PSPH: variants seen among roughly 807,000 people sequenced by gnomAD.
The protein encoded by PSPH is L-3-phosphoserine phosphatase.
A neutral mutation model predicts 23.4 loss-of-function variants in PSPH; 16 were observed. That is an observed-to-expected ratio of 0.68 (90% confidence interval 0.46 to 1.04). The LOEUF (loss-of-function observed/expected upper bound fraction) is 1.04. PSPH is among the 50% of genes least tolerant of loss of function. PSPH has a pLI of 0.00. For synonymous variants in PSPH, 68 were observed against 99.7 expected, an observed-to-expected ratio of 0.68 and a Z score of 1.89; for missense variants, 223 against 273.7, an observed-to-expected ratio of 0.81 and a Z score of 1.31.
At chr7:56,046,094 G>C (rs976471257) in intron 1 of PSPH, among the ~76,000 whole-genome samples, 1 of 151,788 alleles carries the variant, frequency 6.6e-6, no homozygotes, top group African/African-American at 2.4e-5. Flanking sequence ...CTCAGCTCGG[G>C]GAATCTATTG....
intron 1 of PSPH, among the ~76,000 whole-genome samples, chr7:56,046,394 T>TTAA (rs1211890579): frequency 6.6e-6 from 1 of 151,550 alleles, no homozygotes; most frequent in Non-Finnish European, 1.5e-5. Flanking sequence ...CACCTCGGTG[T>TTAA]TTTATTGTTT....
intron 3 of PSPH, among the ~76,000 whole-genome samples, chr7:56,027,211 C>CAAAAA (rs11322718): frequency 8.7e-6 from 1 of 115,428 alleles, no homozygotes. Flanking sequence ...GTCTCAAAAA[C>CAAAAA]AAAAAAAAAA....
intron 1 of PSPH, among the ~76,000 whole-genome samples, chr7:56,034,705 A>G (rs2116971431): frequency 6.6e-6 from 1 of 151,934 alleles, no homozygotes; most frequent in African/African-American, 2.4e-5. Flanking sequence ...TTTAATAGAG[A>G]CGGGGTTTCA....
chr7:56,031,895 A>C (rs1791051745), intron 3 of PSPH, 34 bp downstream of exon 3: 1 of 153,430 alleles, frequency 6.5e-6, no homozygotes, highest in South Asian at 2.1e-4. Flanking sequence ...GCAAAAAACC[A>C]AAACAAAACC....
At chr7:56,036,913 C>G (rs1791799528) in intron 1 of PSPH, among the ~76,000 whole-genome samples, 1 of 152,022 alleles carries the variant, frequency 6.6e-6, no homozygotes, top group South Asian at 2.1e-4. Flanking sequence ...GTGGCTCATG[C>G]CTGTAATCCC....
In PSPH at chr7:56,015,143, C is replaced by T. The variant is rs2116515322; in HGVS notation, c.450G>A (p.Gln150=). The T allele has an allele frequency of 6.2e-7, 1 of 1,614,020 alleles. No individual in the cohort carries two copies. The highest frequency in any genetic ancestry group is 8.5e-7 in the Non-Finnish European group (1 of 1,180,000). The change falls in exon 7 of 8, where the codon CAG becomes CAA. Residue 150 remains glutamine (Q), a synonymous_variant. Coordinates refer to ENST00000275605, the MANE Select transcript of PSPH (RefSeq NM_004577.4). ...NGEYAGFDET[Q]PTAESGGKGK... ...CTTTTCCACCAGATTCAGCTGTTGG[C>T]TGCGTCTCATCAAAACCTGCATATT...
intron 1 of PSPH, among the ~76,000 whole-genome samples, chr7:56,038,310 T>C (rs1222513035): frequency 1.4e-5 from 2 of 140,932 alleles, no homozygotes; most frequent in East Asian, 2.1e-4. Flanking sequence ...AAAAAAAAAA[T>C]TAGCCGGGCG....
intron 4 of PSPH, among the ~76,000 whole-genome samples, chr7:56,020,770 A>G (rs907478516): frequency 6.6e-6 from 1 of 152,178 alleles, no homozygotes; most frequent in African/African-American, 2.4e-5. Context: ...TTTCCAGGGA[A>G]CCACTAAGGT....
intron 1 of PSPH, among the ~76,000 whole-genome samples, chr7:56,048,494 C>T (rs544342824): frequency 9.2e-5 from 14 of 152,230 alleles, no homozygotes; most frequent in African/African-American, 3.4e-4. Context: ...ATAGAAGATT[C>T]ATGACATAAT....
chr7:56,045,928 A>T, intron 1 of PSPH, among the ~76,000 whole-genome samples: 1 of 150,470 alleles, frequency 6.6e-6, no homozygotes, highest in Admixed American at 6.7e-5. Flanking sequence ...CTCCTGTGTC[A>T]GAGACAAAGA....
At chr7:56,030,375 G>T (rs1209542380) in intron 3 of PSPH, among the ~76,000 whole-genome samples, 1 of 151,822 alleles carries the variant, frequency 6.6e-6, no homozygotes, top group Admixed American at 6.6e-5. Flanking sequence ...CTCCCAAAGT[G>T]CTGGGAGCTC....
chr7:56,012,238 C>T (rs1787995939), intron 7 of PSPH, among the ~76,000 whole-genome samples: 1 of 152,120 alleles, frequency 6.6e-6, no homozygotes, highest in African/African-American at 2.4e-5. Context: ...GTCACCCAGG[C>T]TGGAGTGCAG....
At chr7:56,027,026 T>G (rs1790283849) in intron 3 of PSPH, among the ~76,000 whole-genome samples, 1 of 151,326 alleles carries the variant, frequency 6.6e-6, no homozygotes, top group South Asian at 2.1e-4. Flanking sequence ...ACCAACATGG[T>G]GAAACCCCGT....
chr7:56,045,943 T>C (rs1266810518), intron 1 of PSPH, among the ~76,000 whole-genome samples: 1 of 151,404 alleles, frequency 6.6e-6, no homozygotes, highest in Non-Finnish European at 1.5e-5. Flanking sequence ...CAAAGAACTT[T>C]ATTGCTTACA....
intron 1 of PSPH, among the ~76,000 whole-genome samples, chr7:56,043,603 G>A (rs1052408530): frequency 8.6e-5 from 13 of 151,836 alleles, no homozygotes; most frequent in African/African-American, 2.9e-4. Flanking sequence ...GATCACTGGA[G>A]GTCAGGAGTT....
intron 4 of PSPH, 171 bp from the exon 5 acceptor site, chr7:56,019,905 T>G: frequency 2.4e-6 from 2 of 819,210 alleles, no homozygotes; most frequent in East Asian, 5.3e-5. Context: ...AATAAACTTT[T>G]GAAGGATTGC....
At chr7:56,039,208 A>G (rs1216895640) in intron 1 of PSPH, among the ~76,000 whole-genome samples, 2 of 151,988 alleles carry the variant, frequency 1.3e-5, no homozygotes, top group African/African-American at 4.8e-5. Context: ...TACTGTGAAC[A>G]TTCTCAGTTA....
intron 1 of PSPH, among the ~76,000 whole-genome samples, chr7:56,042,602 G>C (rs1161267650): frequency 6.7e-6 from 1 of 149,732 alleles, no homozygotes; most frequent in East Asian, 2.0e-4. Context: ...AGTGAGACAT[G>C]TTCGTGCCAC....
intron 3 of PSPH, among the ~76,000 whole-genome samples, chr7:56,021,482 G>A (rs892044890): frequency 6.7e-6 from 1 of 150,368 alleles, no homozygotes; most frequent in Non-Finnish European, 1.5e-5. Flanking sequence ...GCAGTGGTAC[G>A]ATCTTGGCTT....
Sources: gnomAD v4.1 joint callset for allele counts (sites outside exome capture counted in the v4.1 genomes callset) on GRCh38, gnomAD v4.1.1 for gene constraint, MANE v1.5 for transcripts, NCBI Gene and HGNC (gene_info 2026-07-23, HGNC 2026-07-21) for gene names.